The following NRXN3 variants were observed in gnomAD, a reference collection of about 807,000 sequenced individuals.
NRXN3 encodes the protein neurexin III.
Under a neutral mutation model 137.6 loss-of-function variants are expected in NRXN3, and 32 were observed. The ratio of observed to expected loss-of-function variants is 0.23; its 90% confidence interval spans 0.18 to 0.31. The LOEUF is 0.31. Among genes scored for constraint, NRXN3 ranks in the 10% least tolerant of loss-of-function variants. The pLI is 1.00. For synonymous variants in NRXN3, 798 were observed against 784.5 expected, an observed-to-expected ratio of 1.02 and a Z score of -0.29; for missense variants, 1,574 against 2,062.5, an observed-to-expected ratio of 0.76 and a Z score of 4.59.
At chr14:79,585,340 G>A (rs2097756260) in intron 16 of NRXN3, among the ~76,000 whole-genome samples, 1 of 152,140 alleles carries the variant, frequency 6.6e-6, no homozygotes, top group Admixed American at 6.6e-5. Flanking sequence ...CATGCCACTT[G>A]TTTGGAAGGA....
At chr14:79,145,431 G>T (rs1387950668) in intron 15 of NRXN3, among the ~76,000 whole-genome samples, 2 of 152,102 alleles carry the variant, frequency 1.3e-5, no homozygotes, top group African/African-American at 4.8e-5. Flanking sequence ...ACTCAGAATA[G>T]ATAGTAAAGG....
chr14:78,262,523 T>C (rs2070915241), intron 2 of NRXN3, among the ~76,000 whole-genome samples: 2 of 152,180 alleles, frequency 1.3e-5, no homozygotes, highest in African/African-American at 2.4e-5. Context: ...GAGAAACTTA[T>C]TGCTCGAATA....
At chr14:79,849,440 A>T (rs1422039388) in intron 20 of NRXN3, among the ~76,000 whole-genome samples, 4 of 152,220 alleles carry the variant, frequency 2.6e-5, no homozygotes, top group African/African-American at 4.8e-5. Flanking sequence ...TTAAAAATAG[A>T]CAAAGTAACC....
intron 15 of NRXN3, among the ~76,000 whole-genome samples, chr14:79,404,906 C>G (rs571256888): frequency 1.3e-5 from 2 of 152,132 alleles, no homozygotes; most frequent in African/African-American, 4.8e-5. Flanking sequence ...TTCGTGCACA[C>G]ATATGCACAC....
intron 4 of NRXN3, among the ~76,000 whole-genome samples, chr14:78,392,097 A>G (rs2153642936): frequency 1.3e-5 from 2 of 152,302 alleles, no homozygotes; most frequent in South Asian, 4.1e-4. Flanking sequence ...ACAGAATAAA[A>G]ATATTGCAAA....
chr14:78,334,622 A>G (rs2081242824), intron 4 of NRXN3, among the ~76,000 whole-genome samples: 1 of 152,146 alleles, frequency 6.6e-6, no homozygotes, highest in East Asian at 1.9e-4. Context: ...TTTATATTTT[A>G]TAAATTATTT....
chr14:79,660,080 G>T (rs1325448523), intron 16 of NRXN3, among the ~76,000 whole-genome samples: 1 of 152,064 alleles, frequency 6.6e-6, no homozygotes. Flanking sequence ...CAAGTAATTT[G>T]CCCAAGGTCA....
At chr14:78,728,569 T>A (rs1423229541) in intron 8 of NRXN3, among the ~76,000 whole-genome samples, 2 of 152,164 alleles carry the variant, frequency 1.3e-5, no homozygotes, top group Non-Finnish European at 2.9e-5. Flanking sequence ...TTAAATAAGA[T>A]GAACCAGGTT....
intron 15 of NRXN3, among the ~76,000 whole-genome samples, chr14:79,106,016 TACTCAACAATTAAC>T (rs2052368137): frequency 6.6e-6 from 1 of 152,126 alleles, no homozygotes; most frequent in Admixed American, 6.6e-5. Flanking sequence ...CACCACTATA[TACTCAACAATTAAC>T]ATATATTGGG....
intron 4 of NRXN3, among the ~76,000 whole-genome samples, chr14:78,457,759 G>A (rs955568219): frequency 6.6e-6 from 1 of 152,052 alleles, no homozygotes; most frequent in African/African-American, 2.4e-5. Flanking sequence ...GCATACACAC[G>A]TACCCACACT....
At chr14:79,589,638 C>T (rs961837442) in intron 16 of NRXN3, among the ~76,000 whole-genome samples, 1 of 146,216 alleles carries the variant, frequency 6.8e-6, no homozygotes, top group Non-Finnish European at 1.5e-5. Context: ...TATATTTTAT[C>T]AAAAATTGCT....
intron 16 of NRXN3, among the ~76,000 whole-genome samples, chr14:79,563,606 T>C (rs1456168311): frequency 6.6e-6 from 1 of 151,956 alleles, no homozygotes; most frequent in East Asian, 1.9e-4. Flanking sequence ...GTGTCAAAAT[T>C]TGGTCTCGTT....
At chr14:78,940,167 G>A (rs1475625994) in intron 10 of NRXN3, among the ~76,000 whole-genome samples, 1 of 152,128 alleles carries the variant, frequency 6.6e-6, no homozygotes, top group Non-Finnish European at 1.5e-5. Context: ...GGAAGTACTC[G>A]ACATTTGCTG....
chr14:78,912,103 A>G (rs2099240393), intron 10 of NRXN3, among the ~76,000 whole-genome samples: 1 of 150,518 alleles, frequency 6.6e-6, no homozygotes, highest in African/African-American at 2.4e-5. Flanking sequence ...CCGGTGTGTG[A>G]TGTTCCCCTT....
intron 19 of NRXN3, among the ~76,000 whole-genome samples, chr14:79,780,962 C>CA (rs1177543605): frequency 3.3e-5 from 5 of 152,132 alleles, no homozygotes; most frequent in South Asian, 2.1e-4. Flanking sequence ...TAGCAAATCT[C>CA]AGACATTATC....
intron 15 of NRXN3, among the ~76,000 whole-genome samples, chr14:79,250,284 T>A (rs1307131780): frequency 2.6e-5 from 4 of 152,216 alleles, no homozygotes; most frequent in Middle Eastern, 3.4e-3. Context: ...GAGAGAAATA[T>A]GATGTAGGCT....
At chr14:78,954,967 T>C (rs2099394180) in intron 10 of NRXN3, among the ~76,000 whole-genome samples, 1 of 152,150 alleles carries the variant, frequency 6.6e-6, no homozygotes, top group Non-Finnish European at 1.5e-5. Context: ...CTATAGGTAC[T>C]GTCATACCAA....
At chr14:78,495,138 CGTGTGTGT>C (rs3036593) in intron 4 of NRXN3, among the ~76,000 whole-genome samples, 18 of 140,310 alleles carry the variant, frequency 1.3e-4, no homozygotes, top group South Asian at 9.5e-4. Flanking sequence ...TGTGTGCGTG[CGTGTGTGT>C]GTGTGTGTGT....
At chr14:78,738,222 A>G (rs544482569) in intron 8 of NRXN3, among the ~76,000 whole-genome samples, 37 of 152,302 alleles carry the variant, frequency 2.4e-4, no homozygotes, top group African/African-American at 7.9e-4. Flanking sequence ...TATGTGCCAT[A>G]CATTGTGCTA....
Sources: allele counts gnomAD v4.1 joint callset (sites outside exome capture counted in the v4.1 genomes callset), GRCh38; gene constraint gnomAD v4.1.1; transcripts MANE v1.5; gene names NCBI Gene and HGNC (gene_info 2026-07-23, HGNC 2026-07-21).